The following PIP4K2A variants were observed in gnomAD, a reference collection of about 807,000 sequenced individuals.
PIP4K2A encodes phosphatidylinositol-5-phosphate 4-kinase type 2 alpha, also known as phosphatidylinositol 5-phosphate 4-kinase type-2 alpha.
Under a neutral mutation model 42.9 loss-of-function variants are expected in PIP4K2A, and 14 were observed. That is an observed-to-expected ratio of 0.33 (90% CI 0.22 to 0.51). The LOEUF (loss-of-function observed/expected upper bound fraction) is 0.51. Among genes scored for constraint, PIP4K2A ranks in the 20% least tolerant of loss-of-function variants. The pLI is 0.97. For synonymous variants in PIP4K2A, 192 were observed against 192.2 expected, an observed-to-expected ratio of 1.00 and a Z score of 0.01; for missense variants, 434 against 519.8, an observed-to-expected ratio of 0.83 and a Z score of 1.61.
chr10:22,685,588 C>A (rs1428068018), intron 1 of PIP4K2A, among the ~76,000 whole-genome samples: 4 of 152,036 alleles, frequency 2.6e-5, no homozygotes, highest in African/African-American at 7.3e-5. Context: ...GTGGCATGTG[C>A]CTTTAGTCTC....
chr10:22,566,501 C>A (rs1186639453), intron 6 of PIP4K2A, among the ~76,000 whole-genome samples: 4 of 152,132 alleles, frequency 2.6e-5, no homozygotes, highest in African/African-American at 4.8e-5. Context: ...CTCTGGCACT[C>A]AATCCCTCAG....
At chr10:22,600,023 G>C (rs1837718932) in intron 3 of PIP4K2A, among the ~76,000 whole-genome samples, 1 of 152,156 alleles carries the variant, frequency 6.6e-6, no homozygotes, top group South Asian at 2.1e-4. Flanking sequence ...GCCCCCAGAA[G>C]GGGGAAGGAA....
At chr10:22,714,120 G>A (rs1833965214) in intron 1 of PIP4K2A, 63 bp downstream of exon 1, 1 of 1,491,276 alleles carries the variant, frequency 6.7e-7, no homozygotes, top group Non-Finnish European at 9.1e-7. Context: ...GCCGGAGGAG[G>A]AGGGGAACGA....
At chr10:22,538,344 A>G (rs902875740) in intron 9 of PIP4K2A, among the ~76,000 whole-genome samples, 5 of 151,884 alleles carry the variant, frequency 3.3e-5, no homozygotes, top group Admixed American at 6.6e-5. Flanking sequence ...ATGGAGCCAT[A>G]TTGGCTAGGA....
chr10:22,606,240 G>A (rs1272450068), intron 3 of PIP4K2A, among the ~76,000 whole-genome samples: 1 of 152,120 alleles, frequency 6.6e-6, no homozygotes, highest in Non-Finnish European at 1.5e-5. Flanking sequence ...GAGCCCAGCA[G>A]TTTGAGGCTG....
intron 6 of PIP4K2A, among the ~76,000 whole-genome samples, chr10:22,553,200 G>C (rs751771764): frequency 1.3e-5 from 2 of 152,208 alleles, no homozygotes; most frequent in Non-Finnish European, 2.9e-5. Context: ...CTTACTGAAA[G>C]GATCAAGAGG....
intron 3 of PIP4K2A, among the ~76,000 whole-genome samples, chr10:22,598,962 ATTAG>A (rs1363829714): frequency 1.3e-5 from 2 of 152,156 alleles, no homozygotes; most frequent in African/African-American, 4.8e-5. Flanking sequence ...AAATTACGAA[ATTAG>A]TTAAAGTCAC....
chr10:22,664,600 C>A (rs1839313503), intron 1 of PIP4K2A, among the ~76,000 whole-genome samples: 1 of 151,618 alleles, frequency 6.6e-6, no homozygotes, highest in Non-Finnish European at 1.5e-5. Flanking sequence ...AGTCTTTAAG[C>A]CCTTTGTTTT....
rs77709994 is a variant in PIP4K2A at position 22,577,905 on chromosome 10, G to A, written c.493-4448C>T. 5.8e-3 allele frequency among the ~76,000 whole-genome samples: 878 copies of A among 152,262 alleles called. 5 individuals carry two copies. The highest frequency in any genetic ancestry group is 0.046 in the East Asian group (240 of 5,174). On this transcript the variant is annotated intron_variant, in intron 4 of 9. Coordinates refer to ENST00000376573, the MANE Select transcript of PIP4K2A (RefSeq NM_005028.5). ...GCACCGCCTGGATCCTGGCTTGAAC[G>A]TACACTTTGAGGGCAACTGGGGACA...
chr10:22,706,070 C>T (rs2130924201), intron 1 of PIP4K2A, among the ~76,000 whole-genome samples: 1 of 152,060 alleles, frequency 6.6e-6, no homozygotes, highest in Non-Finnish European at 1.5e-5. Flanking sequence ...CTAACTATCA[C>T]GAGAATACGA....
chr10:22,562,030 G>A (rs1437344259), intron 6 of PIP4K2A, among the ~76,000 whole-genome samples: 2 of 152,132 alleles, frequency 1.3e-5, no homozygotes, highest in African/African-American at 2.4e-5. Context: ...AGAGGTACCA[G>A]TAGATTGTTT....
chr10:22,650,862 T>A (rs1838980236), intron 1 of PIP4K2A, among the ~76,000 whole-genome samples: 1 of 152,066 alleles, frequency 6.6e-6, no homozygotes, highest in Non-Finnish European at 1.5e-5. Flanking sequence ...TACCTTTTAC[T>A]GGCTGGCTGT....
chr10:22,548,618 G>A (rs1377665293), intron 7 of PIP4K2A, among the ~76,000 whole-genome samples: 1 of 152,174 alleles, frequency 6.6e-6, no homozygotes, highest in East Asian at 1.9e-4. Flanking sequence ...CCAAAGCAAG[G>A]GGGAAATGCT....
intron 1 of PIP4K2A, among the ~76,000 whole-genome samples, chr10:22,642,575 T>C (rs1247374011): frequency 1.7e-5 from 2 of 119,958 alleles, no homozygotes; most frequent in Admixed American, 9.6e-5. Context: ...TGTATGTATA[T>C]TTATATGTGT....
intron 1 of PIP4K2A, among the ~76,000 whole-genome samples, chr10:22,702,958 C>T (rs779216084): frequency 7.2e-5 from 11 of 152,136 alleles, no homozygotes; most frequent in Non-Finnish European, 1.2e-4. Flanking sequence ...TAAAAATGTA[C>T]ACAACTCAGT....
chr10:22,665,865 T>C (rs1324878943), intron 1 of PIP4K2A, among the ~76,000 whole-genome samples: 1 of 151,956 alleles, frequency 6.6e-6, no homozygotes, highest in African/African-American at 2.4e-5. Flanking sequence ...TATACATATA[T>C]ATACACACAC....
Position 22,634,759 on chromosome 10 carries a change from G to C in PIP4K2A, c.145-25042C>G, listed in dbSNP as rs184393655. ...CTATAGAGAAACCATTTAGGAGGGA[G>C]CATACACAACTATGACATAAAGCAT... On this transcript the variant is annotated intron_variant, in intron 1 of 9. Coordinates refer to ENST00000376573, the MANE Select transcript of PIP4K2A (RefSeq NM_005028.5). Among the ~76,000 whole-genome samples the C allele has an allele frequency of 1.8e-4, 27 of 152,242 alleles. No homozygotes were observed. The East Asian group carries it at 5.2e-3, about 29-fold the overall frequency.
chr10:22,599,951 T>C, intron 3 of PIP4K2A, among the ~76,000 whole-genome samples: 1 of 152,204 alleles, frequency 6.6e-6, no homozygotes, highest in East Asian at 1.9e-4. Flanking sequence ...CCTTTCCCCC[T>C]TCCTCTAAAC....
intron 6 of PIP4K2A, among the ~76,000 whole-genome samples, chr10:22,554,917 A>G (rs181693881): frequency 2.0e-5 from 3 of 152,322 alleles, no homozygotes; most frequent in Admixed American, 2.0e-4. Flanking sequence ...ATACAGCCCA[A>G]CGCAGAGCCA....
Sources: gnomAD v4.1 joint callset for allele counts (sites outside exome capture counted in the v4.1 genomes callset) on GRCh38, gnomAD v4.1.1 for gene constraint, MANE v1.5 for transcripts, NCBI Gene and HGNC (gene_info 2026-07-23, HGNC 2026-07-21) for gene names.